ROBO2: variants seen among roughly 807,000 people sequenced by gnomAD.
ROBO2 encodes the protein roundabout homolog 2.
Under a neutral mutation model 160.8 loss-of-function variants are expected in ROBO2, and 53 were observed. That is an observed-to-expected ratio of 0.33 (90% CI 0.26 to 0.41). The LOEUF (loss-of-function observed/expected upper bound fraction) is 0.41. Among genes scored for constraint, ROBO2 ranks in the 10% least tolerant of loss-of-function variants. The probability of loss-of-function intolerance (pLI) is 1.00; values close to 1 mark genes in which losing one functional copy is unlikely to be tolerated. For missense variants in ROBO2, 1,577 were observed against 1,722.4 expected, an observed-to-expected ratio of 0.92 and a Z score of 1.49; for synonymous variants, 664 against 611.7, an observed-to-expected ratio of 1.09 and a Z score of -1.26.
chr3:76,746,586 G>A (rs1328088991), intron 2 of ROBO2, among the ~76,000 whole-genome samples: 1 of 152,152 alleles, frequency 6.6e-6, no homozygotes, highest in Non-Finnish European at 1.5e-5. Flanking sequence ...GATAGCCAGT[G>A]ATGGTGAGCA....
intron 2 of ROBO2, among the ~76,000 whole-genome samples, chr3:76,777,477 T>C (rs546738095): frequency 1.1e-4 from 16 of 151,262 alleles, no homozygotes; most frequent in African/African-American, 3.9e-4. Context: ...TTCTGCTGAA[T>C]TGAGCAGAAT....
chr3:76,673,716 G>GTT (rs992451860), intron 2 of ROBO2, among the ~76,000 whole-genome samples: 2 of 150,326 alleles, frequency 1.3e-5, no homozygotes, highest in South Asian at 2.1e-4. Context: ...CAATAGGATC[G>GTT]TTTTTTTTTA....
intron 2 of ROBO2, among the ~76,000 whole-genome samples, chr3:76,904,626 C>T (rs1301405077): frequency 3.3e-5 from 5 of 152,124 alleles, no homozygotes; most frequent in African/African-American, 1.2e-4. Flanking sequence ...TGACAGTTCT[C>T]CATCCCGTGG....
chr3:76,828,819 C>A lies in ROBO2; in HGVS notation c.110-269195C>A, dbSNP rs563549745. 7.7e-4 allele frequency among the ~76,000 whole-genome samples: 117 copies of A among 152,156 alleles called. 1 individual carries two copies. In the Middle Eastern group the frequency reaches 0.014, roughly 18 times the overall value. On this transcript the variant is annotated intron_variant, in intron 2 of 26. Transcript: ENST00000487694. ...TAGGGTCCAATAGCTTTCTAATCAA[C>A]CTGACATAGCCATCTGTGCCAAAAG...
intron 2 of ROBO2, among the ~76,000 whole-genome samples, chr3:76,901,284 A>C (rs1472357264): frequency 6.6e-6 from 1 of 152,064 alleles, no homozygotes; most frequent in African/African-American, 2.4e-5. Context: ...CCCCTCTTGC[A>C]TTGGAATATA....
intron 2 of ROBO2, among the ~76,000 whole-genome samples, chr3:76,893,114 T>A (rs1372402875): frequency 6.6e-6 from 1 of 152,132 alleles, no homozygotes; most frequent in Non-Finnish European, 1.5e-5. Context: ...TAATTAAAAA[T>A]GTTGGCTGCC....
chr3:77,282,991 C>A (rs1262171534), intron 2 of ROBO2, among the ~76,000 whole-genome samples: 2 of 150,648 alleles, frequency 1.3e-5, no homozygotes, highest in African/African-American at 4.9e-5. Context: ...CTGATATAAA[C>A]CTGAGAATTT....
Position 76,799,426 on chromosome 3 carries a change from G to A in ROBO2, c.110-298588G>A, listed in dbSNP as rs73121668. Among the ~76,000 whole-genome samples, 990 of 151,678 alleles carry A rather than the reference G, an allele frequency of 6.5e-3. 6 individuals carry two copies. The highest frequency in any genetic ancestry group is 0.031 in the Middle Eastern group (9 of 290). ...ATGCATCCAAACTGCAAAGGAAAACGTCTAATTATCTTTGCTTGCAGTTGA... is the reference window on the plus strand; with the variant it reads ...ATGCATCCAAACTGCAAAGGAAAACATCTAATTATCTTTGCTTGCAGTTGA... On this transcript the variant is annotated intron_variant, in intron 2 of 26. Coordinates refer to the ROBO2 transcript ENST00000487694.
chr3:76,756,699 G>A (rs903424482), intron 2 of ROBO2, among the ~76,000 whole-genome samples: 1 of 151,622 alleles, frequency 6.6e-6, no homozygotes, highest in African/African-American at 2.4e-5. Flanking sequence ...GATAGCGGCC[G>A]GGAGTACTCC....
intron 2 of ROBO2, among the ~76,000 whole-genome samples, chr3:76,359,375 A>G (rs1212687030): frequency 6.6e-6 from 1 of 152,110 alleles, no homozygotes; most frequent in East Asian, 1.9e-4. Context: ...CTTGATATGA[A>G]TTACAGGAAA....
At chr3:76,626,827 G>C (rs1005937208) in intron 2 of ROBO2, among the ~76,000 whole-genome samples, 3 of 151,980 alleles carry the variant, frequency 2.0e-5, no homozygotes, top group African/African-American at 7.2e-5. Flanking sequence ...CGAGTAGCTG[G>C]GACTACAGGC....
chr3:76,356,738 G>A (rs2075194416), intron 2 of ROBO2, among the ~76,000 whole-genome samples: 1 of 151,598 alleles, frequency 6.6e-6, no homozygotes, highest in African/African-American at 2.4e-5. Flanking sequence ...AGAACAAATA[G>A]ACAAAAAAAG....
chr3:76,056,960 G>A (rs2067870602), intron 2 of ROBO2, among the ~76,000 whole-genome samples: 1 of 152,100 alleles, frequency 6.6e-6, no homozygotes, highest in African/African-American at 2.4e-5. Context: ...AAATGATTAT[G>A]TTGTGTATGC....
chr3:77,619,083 G>C (rs1425972084), intron 22 of ROBO2, among the ~76,000 whole-genome samples: 8 of 152,140 alleles, frequency 5.3e-5, no homozygotes, highest in African/African-American at 1.4e-4. Context: ...GATTCTGACT[G>C]CCATGATCTG....
chr3:77,406,262 C>T (rs906933995), intron 2 of ROBO2, among the ~76,000 whole-genome samples: 7 of 152,154 alleles, frequency 4.6e-5, no homozygotes, highest in African/African-American at 1.7e-4. Context: ...CCCCATAATC[C>T]GGTCACCTCC....
At chr3:77,125,801 C>G (rs910001367) in intron 2 of ROBO2, among the ~76,000 whole-genome samples, 6 of 151,946 alleles carry the variant, frequency 3.9e-5, no homozygotes, top group Non-Finnish European at 8.8e-5. Flanking sequence ...TGATTAACAG[C>G]CAATTTTAGA....
At chr3:77,243,194 G>T (rs1285536833) in intron 2 of ROBO2, among the ~76,000 whole-genome samples, 1 of 151,968 alleles carries the variant, frequency 6.6e-6, no homozygotes, top group Non-Finnish European at 1.5e-5. Flanking sequence ...ATAGTTTGCA[G>T]AATACATCTC....
chr3:76,726,650 G>A (rs554171097), intron 2 of ROBO2, among the ~76,000 whole-genome samples: 31 of 152,220 alleles, frequency 2.0e-4, no homozygotes, highest in Admixed American at 9.2e-4. Context: ...CCATTTTTCT[G>A]AAAATTGACC....
At chr3:77,358,193 A>G (rs1175141825) in intron 2 of ROBO2, among the ~76,000 whole-genome samples, 2 of 152,196 alleles carry the variant, frequency 1.3e-5, no homozygotes, top group Non-Finnish European at 2.9e-5. Context: ...CAGCAGGGCC[A>G]TGTTCTCTTG....
Sources: gnomAD v4.1 joint callset for allele counts (sites outside exome capture counted in the v4.1 genomes callset) on GRCh38, gnomAD v4.1.1 for gene constraint, MANE v1.5 for transcripts, NCBI Gene and HGNC (gene_info 2026-07-23, HGNC 2026-07-21) for gene names.